Variants in PRKCE observed in about 807,000 individuals in gnomAD.
PRKCE encodes protein kinase C epsilon, also known as protein kinase C epsilon type.
A neutral mutation model predicts 85.4 loss-of-function variants in PRKCE; 16 were observed. The observed-to-expected ratio is 0.19, with a 90% CI of 0.13 to 0.28. The LOEUF is 0.28. PRKCE is among the 10% of genes least tolerant of loss of function. PRKCE has a pLI of 1.00. For synonymous variants in PRKCE, 388 were observed against 371.5 expected (o/e 1.04, Z -0.51); for missense variants, 573 against 975.2 (o/e 0.59, Z 5.49).
chr2:46,126,436 C>G (rs1439457604), intron 11 of PRKCE, among the ~76,000 whole-genome samples: 1 of 152,020 alleles, frequency 6.6e-6, no homozygotes, highest in Non-Finnish European at 1.5e-5. Flanking sequence ...ACTGAACCCC[C>G]ACATGGACTC....
Position 46,184,627 on chromosome 2 carries a change from A to T in PRKCE, c.2068-108A>T. On this transcript the variant is annotated intron_variant, in intron 14 of 14. Coordinates refer to ENST00000306156, the MANE Select transcript of PRKCE (RefSeq NM_005400.3). The surrounding 1 kb of genome is among the most constrained non-coding windows in gnomAD (Gnocchi z 5.0). ...CCGTGTCTGCTGTCTGTTGGTAGCT[A>T]GAGGCCTGCTTTGGTGACAGGCTGG... 7.2e-7 allele frequency: 1 copy of T among 1,385,768 alleles called. No homozygotes were observed. The highest frequency in any genetic ancestry group is 9.8e-7 in the Non-Finnish European group (1 of 1,020,906). The allele number at this position is 1,385,768 out of a possible 1,614,324, so 85.8% of individuals were successfully genotyped here. A position where few individuals can be genotyped will look rare whatever the true frequency, so the allele number is the denominator to read the frequency against.
At position 46,139,787 on chromosome 2, in the gene PRKCE, G is replaced by C. The variant is rs1367066734; in HGVS notation, c.1593-5306G>C. Among the ~76,000 whole-genome samples the C allele has an allele frequency of 2.0e-5, 3 of 151,776 alleles. No individual in the cohort carries two copies. Among genetic ancestry groups the C allele is most frequent in the East Asian group, 1.9e-4 (1 of 5,186 alleles). ...AGGAGGAAAGAAAAAGAAGAGTAAG[G>C]CTCTTCCTTTTAAGGAGACTTCCAC... On this transcript the variant is annotated intron_variant, in intron 11 of 14. Coordinates refer to ENST00000306156, the MANE Select transcript of PRKCE (RefSeq NM_005400.3). This position sits in a 1 kb window ranked among gnomAD's most constrained non-coding sequence, Gnocchi z 5.2.
chr2:45,675,434 A>T (rs1024349627), intron 1 of PRKCE: 22 of 152,222 alleles, frequency 1.4e-4, no homozygotes, highest in African/African-American at 5.3e-4. Flanking sequence ...ATACACTGTC[A>T]TTTATACATA....
chr2:45,767,793 A>G (rs774798330), intron 1 of PRKCE, among the ~76,000 whole-genome samples: 1 of 152,224 alleles, frequency 6.6e-6, no homozygotes, highest in Admixed American at 6.5e-5. Context: ...AGGAAGACTT[A>G]GGGCTTTATT....
intron 14 of PRKCE, among the ~76,000 whole-genome samples, chr2:46,182,342 ACC>A (rs1382839335): frequency 2.0e-5 from 3 of 152,052 alleles, no homozygotes; most frequent in Non-Finnish European, 4.4e-5. Context: ...AGTGTGCGTC[ACC>A]GTGGGGATGG....
chr2:45,748,812 A>G (rs1683332591), intron 1 of PRKCE, among the ~76,000 whole-genome samples: 1 of 152,106 alleles, frequency 6.6e-6, no homozygotes. Flanking sequence ...GAGAGCAATG[A>G]GAGATGTTGT....
At chr2:45,903,880 A>AATTT in intron 2 of PRKCE, among the ~76,000 whole-genome samples, 1 of 87,732 alleles carries the variant, frequency 1.1e-5, no homozygotes, top group Non-Finnish European at 2.1e-5. Context: ...GTAGCCTGGC[A>AATTT]GTTTTTTTTT....
chr2:45,976,667 A>C (rs1702474991), intron 3 of PRKCE, 79 bp downstream of exon 3: 14 of 1,480,760 alleles, frequency 9.5e-6, no homozygotes, highest in Non-Finnish European at 1.3e-5. Context: ...GAGACTATGC[A>C]CCTCATTTAA....
At chr2:45,817,464 A>C (rs192223502) in intron 1 of PRKCE, among the ~76,000 whole-genome samples, 50 of 152,118 alleles carry the variant, frequency 3.3e-4, no homozygotes, top group East Asian at 5.8e-4. Flanking sequence ...GAGGCTGAGG[A>C]GGGCGAATCA....
chr2:45,757,841 G>C (rs924992190), intron 1 of PRKCE, among the ~76,000 whole-genome samples: 1 of 152,092 alleles, frequency 6.6e-6, no homozygotes, highest in African/African-American at 2.4e-5. Flanking sequence ...TGGCAGGGGA[G>C]GACCACTGTC....
At chr2:45,969,460 C>T (rs938840661) in intron 2 of PRKCE, among the ~76,000 whole-genome samples, 1 of 152,198 alleles carries the variant, frequency 6.6e-6, no homozygotes, top group Non-Finnish European at 1.5e-5. Flanking sequence ...CCAGTGCCAG[C>T]AGCGAGCATC....
chr2:45,934,297 A>C (rs1699273832), intron 2 of PRKCE, among the ~76,000 whole-genome samples: 1 of 152,332 alleles, frequency 6.6e-6, no homozygotes, highest in South Asian at 2.1e-4. Flanking sequence ...GTGTGAAAAA[A>C]AGTTTCTATT....
chr2:45,847,732 C>T (rs1270220038), intron 2 of PRKCE, among the ~76,000 whole-genome samples: 1 of 152,242 alleles, frequency 6.6e-6, no homozygotes, highest in Non-Finnish European at 1.5e-5. Context: ...TTCCCCACTC[C>T]ACCCCTGGTT....
In PRKCE at chr2:45,895,351, A is replaced by C. The variant is rs1159601510; in HGVS notation, c.412+52288A>C. Among the ~76,000 whole-genome samples, 1 of 152,092 alleles carries C rather than the reference A, an allele frequency of 6.6e-6. No individual in the cohort carries two copies. Among genetic ancestry groups the C allele is most frequent in the Non-Finnish European group, 1.5e-5 (1 of 68,024 alleles). ...GGACTTAAGGGAGTTTCAGTCGGGGAAGAAAGTGGGACTTTTTCATTAAAA... is the reference window on the plus strand; with the variant it reads ...GGACTTAAGGGAGTTTCAGTCGGGGCAGAAAGTGGGACTTTTTCATTAAAA... On this transcript the variant is annotated intron_variant, in intron 2 of 14. Coordinates refer to ENST00000306156, the MANE Select transcript of PRKCE (RefSeq NM_005400.3). This position sits in a 1 kb window ranked among gnomAD's most constrained non-coding sequence, Gnocchi z 4.8.
intron 1 of PRKCE, among the ~76,000 whole-genome samples, chr2:45,792,885 G>A (rs1009446822): frequency 6.6e-6 from 1 of 152,162 alleles, no homozygotes; most frequent in African/African-American, 2.4e-5. Flanking sequence ...TGCAACCTCT[G>A]TCTCCCGGGT....
chr2:45,842,273 C>A (rs1017878598), intron 1 of PRKCE, among the ~76,000 whole-genome samples: 1 of 152,096 alleles, frequency 6.6e-6, no homozygotes, highest in Non-Finnish European at 1.5e-5. Flanking sequence ...GCCTTGCATA[C>A]CTTCCCTTCC....
intron 10 of PRKCE, among the ~76,000 whole-genome samples, chr2:46,057,060 G>A (rs1666653879): frequency 6.6e-6 from 1 of 152,144 alleles, no homozygotes; most frequent in African/African-American, 2.4e-5. Context: ...TCTCTATGGA[G>A]TCTCAGAGCT....
intron 10 of PRKCE, among the ~76,000 whole-genome samples, chr2:46,045,874 CA>C (rs1437968218): frequency 6.7e-6 from 1 of 148,924 alleles, no homozygotes; most frequent in Non-Finnish European, 1.5e-5. Context: ...AACTCTGTCT[CA>C]AATAAAAAAA....
At chr2:45,886,053 C>G (rs984490358) in intron 2 of PRKCE, among the ~76,000 whole-genome samples, 1 of 152,200 alleles carries the variant, frequency 6.6e-6, no homozygotes, top group African/African-American at 2.4e-5. Context: ...CCTCTTCCTC[C>G]TCAAGAGGCC....
Sources: gnomAD v4.1 joint callset for allele counts (sites outside exome capture counted in the v4.1 genomes callset) on GRCh38, gnomAD v4.1.1 for gene constraint, Gnocchi (gnomAD v3.1) non-coding constraint, MANE v1.5 for transcripts, NCBI Gene and HGNC (gene_info 2026-07-23, HGNC 2026-07-21) for gene names.